Variants in ZNF730 observed in about 807,000 individuals in gnomAD.
ZNF730 encodes the protein zinc finger protein 730, also known as putative zinc finger protein 730.
In ZNF730, 12 loss-of-function variants were observed where a neutral mutation model predicts 12.6. That is an observed-to-expected ratio of 0.95 (90% CI 0.61 to 1.54). ZNF730 has a LOEUF of 1.54. Ranked by LOEUF, ZNF730 falls within the 40% of genes most tolerant of loss-of-function variation. ZNF730 has a pLI of 0.00. For missense variants in ZNF730, 643 were observed against 583.5 expected (o/e 1.10, Z -1.05); for synonymous variants, 194 against 195.8 (o/e 0.99, Z 0.08).
At chr19:23,134,358 G>A (rs1386573343) in intron 2 of ZNF730, among the ~76,000 whole-genome samples, 152 bp downstream of exon 2, 4 of 149,240 alleles carry the variant, frequency 2.7e-5, no homozygotes, top group Admixed American at 6.7e-5. Context: ...CCCTCTGCCC[G>A]GCCAGCCGCC....
rs185972940 is a variant in ZNF730 at position 23,118,367 on chromosome 19, T to G, written c.3+1191T>G. On this transcript the variant is annotated intron_variant, in intron 1 of 3. Transcript: ENST00000597761. Reference sequence around the variant, plus strand: ...GTTTTGGGGTCAAGTTTGTTTTTTGTTTTTTTTTTTTGTTTTTTTAATTTT... The same window carrying G: ...GTTTTGGGGTCAAGTTTGTTTTTTGGTTTTTTTTTTTGTTTTTTTAATTTT... Among the ~76,000 whole-genome samples the G allele has an allele frequency of 4.2e-3, 263 of 62,244 alleles. 1 individual carries two copies. The highest frequency in any genetic ancestry group is 0.021 in the East Asian group (55 of 2,652). 40.8% of individuals were successfully genotyped at this position (62,244 alleles called of 152,430 possible).
At position 23,078,889 on chromosome 19, in the gene ZNF730, C is replaced by G. The variant is rs146623263; in HGVS notation, c.-94+3502C>G. Among the ~76,000 whole-genome samples the G allele has an allele frequency of 1.9e-3, 286 of 152,212 alleles. 2 individuals are homozygous for G. Among genetic ancestry groups the G allele is most frequent in the African/African-American group, 6.6e-3 (273 of 41,530 alleles). ...GCACAATCTCGGCTCACTGCAACGT[C>G]CATCTCCTGGGTTCAAGCGATTCTC... On this transcript the variant is annotated intron_variant, in intron 1 of 2. Transcript: ENST00000593635.
At chr19:23,076,415 T>A (rs1386879497) in intron 1 of ZNF730, among the ~76,000 whole-genome samples, 1 of 152,198 alleles carries the variant, frequency 6.6e-6, no homozygotes, top group Non-Finnish European at 1.5e-5. Context: ...ACCTTATTAG[T>A]ACGTCTTCGG....
chr19:23,116,480 C>T (rs1298129864), upstream of ZNF730, among the ~76,000 whole-genome samples: 2 of 151,292 alleles, frequency 1.3e-5, no homozygotes, highest in Non-Finnish European at 2.9e-5. Flanking sequence ...GATCTCGGCT[C>T]ATTGCAACCT....
upstream of ZNF730, among the ~76,000 whole-genome samples, chr19:23,112,927 C>G (rs1970475412): frequency 6.6e-6 from 1 of 152,138 alleles, no homozygotes; most frequent in Non-Finnish European, 1.5e-5. Context: ...TTTGATAGGT[C>G]TTTTTTCCCC....
At chr19:23,127,810 A>G (rs1970688793) in intron 1 of ZNF730, 8 of 705,538 alleles carry the variant, frequency 1.1e-5, no homozygotes, top group South Asian at 1.1e-4. Context: ...GCTCCACAGG[A>G]TGATAGTTTG....
chr19:23,144,856 A>T (rs1417222529), intron 3 of ZNF730, among the ~76,000 whole-genome samples: 2 of 152,232 alleles, frequency 1.3e-5, no homozygotes, highest in African/African-American at 4.8e-5. Flanking sequence ...TTTTTGTCAT[A>T]AGAGATAGAA....
At chr19:23,108,810 T>C (rs1289852931) in intron 1 of ZNF730, among the ~76,000 whole-genome samples, 1 of 152,060 alleles carries the variant, frequency 6.6e-6, no homozygotes, top group Non-Finnish European at 1.5e-5. Context: ...AGCACGGTGG[T>C]GCGATCTTGG....
Position 23,138,343 on chromosome 19 carries a change from G to A in ZNF730, c.226+2300G>A, listed in dbSNP as rs1052717906. Among the ~76,000 whole-genome samples the A allele has an allele frequency of 5.1e-4, 78 of 152,120 alleles. 1 individual carries two copies. Among genetic ancestry groups the A allele is most frequent in the Admixed American group, 1.3e-4 (2 of 15,292 alleles). On this transcript the variant is annotated intron_variant, in intron 3 of 3. Coordinates refer to ENST00000597761, the MANE Select transcript of ZNF730 (RefSeq NM_001277403.2). ...CTGGGTACCAGAAAGGATTTCCCCA[G>A]GTCTCTGTGTGGGTTTCCATGTAGG...
chr19:23,136,078 A>G (rs767494555), intron 3 of ZNF730, 35 bp downstream of exon 3: 36 of 1,451,610 alleles, frequency 2.5e-5, no homozygotes, highest in Non-Finnish European at 3.2e-5. Context: ...CAAAACTGAT[A>G]AGAGATCTAT....
intron 1 of ZNF730, 61 bp from the exon 2 acceptor site, chr19:23,134,019 G>A: frequency 3.8e-6 from 6 of 1,597,666 alleles, no homozygotes; most frequent in Middle Eastern, 1.7e-4. Flanking sequence ...CACCTTGAGT[G>A]AAACTTAAAA....
At chr19:23,094,389 T>TCTAC (rs1331746661) in intron 1 of ZNF730, among the ~76,000 whole-genome samples, 1 of 141,248 alleles carries the variant, frequency 7.1e-6, no homozygotes, top group Non-Finnish European at 1.5e-5. Flanking sequence ...TATCTATCTA[T>TCTAC]CTGTCTATCT....
chr19:23,085,464 CTGGGATTACAGGCATGAGCCACCA>C (rs2145459352), intron 1 of ZNF730, among the ~76,000 whole-genome samples: 1 of 129,810 alleles, frequency 7.7e-6, no homozygotes, highest in African/African-American at 2.9e-5. Flanking sequence ...TCCCAAAGTG[CTGGGATTACAGGCATGAGCCACCA>C]TGCCCGTCTT....
At chr19:23,114,302 T>C (rs1970489896), upstream of ZNF730, among the ~76,000 whole-genome samples, 1 of 47,348 alleles carries the variant, frequency 2.1e-5, no homozygotes, top group Non-Finnish European at 5.5e-5. Flanking sequence ...TTCTTTTTCT[T>C]TTCTTTTTTT....
intron 1 of ZNF730, among the ~76,000 whole-genome samples, chr19:23,130,526 A>G (rs562613560): frequency 2.6e-5 from 4 of 152,306 alleles, no homozygotes; most frequent in Admixed American, 6.5e-5. Context: ...TATTTCGGCC[A>G]TGTTCTTTAT....
intron 1 of ZNF730, among the ~76,000 whole-genome samples, chr19:23,106,409 C>T (rs1970393175): frequency 6.6e-6 from 1 of 151,950 alleles, no homozygotes; most frequent in South Asian, 2.1e-4. Flanking sequence ...AAAAAAAATA[C>T]ATTGATTTGG....
intron 1 of ZNF730, among the ~76,000 whole-genome samples, chr19:23,124,895 T>C (rs1227443618): frequency 1.3e-5 from 2 of 152,222 alleles, no homozygotes; most frequent in Non-Finnish European, 2.9e-5. Context: ...ATGGCTTGGC[T>C]ATGTCACCAC....
chr19:23,120,601 T>A (rs1010300344), intron 1 of ZNF730, among the ~76,000 whole-genome samples: 1 of 151,994 alleles, frequency 6.6e-6, no homozygotes, highest in Non-Finnish European at 1.5e-5. Context: ...TCTTATTAAC[T>A]TTGTTATAAG....
intron 1 of ZNF730, among the ~76,000 whole-genome samples, chr19:23,097,727 C>T (rs2145515965): frequency 6.6e-6 from 1 of 152,202 alleles, no homozygotes; most frequent in Admixed American, 6.5e-5. Context: ...GGGCCCTTTC[C>T]ACGGGGATGA....
Sources: allele counts gnomAD v4.1 joint callset (sites outside exome capture counted in the v4.1 genomes callset), GRCh38; gene constraint gnomAD v4.1.1; transcripts MANE v1.5; gene names NCBI Gene and HGNC (gene_info 2026-07-23, HGNC 2026-07-21).